Variants in WDR64 observed in about 807,000 individuals in gnomAD.
WDR64 encodes the protein WD repeat-containing protein 64.
In WDR64, 112 loss-of-function variants were observed where a neutral mutation model predicts 139.3. The ratio of observed to expected loss-of-function variants is 0.80; its 90% CI spans 0.69 to 0.94. WDR64 has a LOEUF of 0.94. Ranked by LOEUF, WDR64 falls within the 40% of genes least tolerant of loss-of-function variation. The pLI is 0.00. For missense variants in WDR64, 1,206 were observed against 1,293.1 expected (o/e 0.93, Z 1.03); for synonymous variants, 444 against 437.7 (o/e 1.01, Z -0.18).
rs959684552 is a variant in WDR64 at position 241,683,553 on chromosome 1, G to T, written c.691G>T (p.Asp231Tyr). Residue 231 changes from aspartate (D) to tyrosine (Y), a missense_variant, in exon 7 of 28, where the codon GAC becomes TAC. Transcript: ENST00000437684. ...LLCVCVVPLP[D>Y]HLCRDDILLG... is the part of the protein sequence containing the mutation. ...GTGTGTGTGTGTGGTGCCTTTGCCT[G>T]ACCATCTCTGCCGAGATGACATCCT... 1.3e-6 allele frequency: 2 copies of T among 1,551,614 alleles called. No individual in the cohort carries two copies. The highest frequency in any genetic ancestry group is 1.7e-6 in the Non-Finnish European group (2 of 1,147,008).
chr1:241,772,516 G>T (rs772084673), intron 19 of WDR64, among the ~76,000 whole-genome samples: 3 of 126,300 alleles, frequency 2.4e-5, no homozygotes, highest in African/African-American at 8.8e-5. Flanking sequence ...AGGCTGGAGT[G>T]TAGTAGTGCC....
rs1237281978 is a variant in WDR64 at position 241,790,332 on chromosome 1, CAG to C, written c.2892-256_2892-255del. On this transcript the variant is annotated intron_variant, in intron 24 of 27. Transcript: ENST00000437684. ...CACTACTACACTCCATACTGGGTGA[CAG>C]AGCGAGACCCTGTCTCAAAAAATAT... is the stretch of plus-strand genomic sequence containing the variant. 2.0e-5 allele frequency among the ~76,000 whole-genome samples: 3 copies of C among 152,198 alleles called. No homozygotes were observed. The East Asian group carries it at 5.8e-4, about 29-fold the overall frequency.
At chr1:241,686,359 G>T (rs1667003855) in intron 7 of WDR64, among the ~76,000 whole-genome samples, 1 of 152,168 alleles carries the variant, frequency 6.6e-6, no homozygotes, top group African/African-American at 2.4e-5. Flanking sequence ...AAGTAGCCAG[G>T]ATCCAGAGTT....
In WDR64 at chr1:241,659,759, A is replaced by AT. The variant is rs1338133668; in HGVS notation, c.146-764dup. 2.6e-5 allele frequency among the ~76,000 whole-genome samples: 4 copies of AT among 151,758 alleles called. No individual in the cohort carries two copies. In the East Asian group the frequency reaches 5.8e-4, roughly 22 times the overall value. ...TTGCCCACTTTTAATGAGGTTGTTC[A>AT]TTTTTTTCTTGTAAATTTGCTTAAG... On this transcript the variant is annotated intron_variant, in intron 1 of 27. Transcript: ENST00000437684.
chr1:241,663,915 AT>A (rs751626491), intron 2 of WDR64, among the ~76,000 whole-genome samples: 3 of 151,930 alleles, frequency 2.0e-5, no homozygotes, highest in South Asian at 2.1e-4. Flanking sequence ...AATCATAGCT[AT>A]TTTTTTTGTT....
At chr1:241,796,775 T>C (rs1267102640) in intron 27 of WDR64, among the ~76,000 whole-genome samples, 1 of 152,222 alleles carries the variant, frequency 6.6e-6, no homozygotes, top group African/African-American at 2.4e-5. Context: ...ATTACAGGCA[T>C]AAGCCACTGT....
In WDR64 at chr1:241,703,386, C is replaced by A. The variant is rs1667804312; in HGVS notation, c.975-8416C>A. Among the ~76,000 whole-genome samples, 1 of 151,890 alleles carries A rather than the reference C, an allele frequency of 6.6e-6. No individual in the cohort carries two copies. Among genetic ancestry groups the A allele is most frequent in the African/African-American group, 2.4e-5 (1 of 41,336 alleles). On this transcript the variant is annotated intron_variant, in intron 8 of 27. Transcript: ENST00000437684. The surrounding 1 kb of genome is among the most constrained non-coding windows in gnomAD (Gnocchi z 5.9). ...GCATCACGCTCATTAATTCATGGAACAACAGGAGAAAAGTCTGAGATGAAG... is the reference window on the plus strand; with the variant it reads ...GCATCACGCTCATTAATTCATGGAAAAACAGGAGAAAAGTCTGAGATGAAG...
intron 10 of WDR64, among the ~76,000 whole-genome samples, chr1:241,736,825 A>C (rs535050633): frequency 6.6e-6 from 1 of 152,376 alleles, no homozygotes; most frequent in African/African-American, 2.4e-5. Flanking sequence ...TGGCCATTCA[A>C]GAAACAAGAA....
At chr1:241,682,745 T>C (rs886666717) in intron 6 of WDR64, among the ~76,000 whole-genome samples, 12 of 152,242 alleles carry the variant, frequency 7.9e-5, no homozygotes, top group Admixed American at 7.2e-4. Context: ...CCAGATCAAA[T>C]GTTACTTTCT....
At chr1:241,799,627 A>T (rs1659467477) in intron 27 of WDR64, among the ~76,000 whole-genome samples, 1 of 152,202 alleles carries the variant, frequency 6.6e-6, no homozygotes, top group Non-Finnish European at 1.5e-5. Flanking sequence ...CACAGAGGAT[A>T]AGTAATTCCT....
At chr1:241,681,104 C>G (rs951999370) in intron 6 of WDR64, among the ~76,000 whole-genome samples, 1 of 152,024 alleles carries the variant, frequency 6.6e-6, no homozygotes, top group South Asian at 2.1e-4. Context: ...CTCTCTCTCT[C>G]TCTTTAAAAA....
At chr1:241,771,957 T>C (rs1274329716) in intron 19 of WDR64, among the ~76,000 whole-genome samples, 984 of 83,392 alleles carry the variant, frequency 0.012, 18 homozygotes, top group African/African-American at 0.038. Context: ...TATATATATA[T>C]ATATATATAT....
chr1:241,773,678 G>A (rs1222345228), intron 20 of WDR64, among the ~76,000 whole-genome samples: 1 of 152,176 alleles, frequency 6.6e-6, no homozygotes, highest in African/African-American at 2.4e-5. Flanking sequence ...ATGTTGGCCA[G>A]GCTGGTCTCA....
intron 27 of WDR64, among the ~76,000 whole-genome samples, chr1:241,797,437 T>C (rs545197653): frequency 2.6e-5 from 4 of 152,330 alleles, no homozygotes. Context: ...AGGAGGAAGA[T>C]ATAGCACATG....
At position 241,671,115 on chromosome 1, in the gene WDR64, C is replaced by T; in HGVS notation, c.318C>T (p.Ser106=). Residue 106 remains serine (S), a synonymous_variant, in exon 3 of 28, where the codon TCC becomes TCT. Transcript: ENST00000437684. Reference sequence around the variant, plus strand: ...CCTCTGAAGAAGATCCTATTGCTTCCCAGTTGGATGAAGAAAATTTGGTTT... The same window carrying T: ...CCTCTGAAGAAGATCCTATTGCTTCTCAGTTGGATGAAGAAAATTTGGTTT... ...YFSSEEDPIA[S]QLDEENLVFF... is the part of the protein sequence containing the mutation. 1 of 1,550,662 alleles carries T rather than the reference C, an allele frequency of 6.4e-7. No homozygotes were observed.
rs76539078 is a variant in WDR64 at position 241,802,535 on chromosome 1, C to T, written c.*1320C>T. ...TTTATTGGATGATATTTCTGCATTT[C>T]GTTGTATGTGAATTTTTTCAAAAAA... On this transcript the variant is annotated 3_prime_UTR_variant, in exon 28 of 28. Transcript: ENST00000437684. 5.7e-3 allele frequency among the ~76,000 whole-genome samples: 860 copies of T among 152,142 alleles called. 8 individuals are homozygous for T. Among genetic ancestry groups the T allele is most frequent in the Middle Eastern group, 0.01 (3 of 294 alleles).
At chr1:241,689,711 G>A (rs765230746) in intron 8 of WDR64, among the ~76,000 whole-genome samples, 7 of 152,076 alleles carry the variant, frequency 4.6e-5, no homozygotes, top group Non-Finnish European at 8.8e-5. Context: ...CTAAGGGCTC[G>A]GATAAAGCAG....
intron 8 of WDR64, among the ~76,000 whole-genome samples, chr1:241,710,795 C>A (rs1388527091): frequency 1.3e-5 from 2 of 152,150 alleles, no homozygotes; most frequent in Non-Finnish European, 2.9e-5. Context: ...CAGGGCCAGG[C>A]CAGCCAGGTA....
intron 25 of WDR64, among the ~76,000 whole-genome samples, chr1:241,794,091 G>T (rs1659286478): frequency 1.3e-5 from 2 of 151,670 alleles, no homozygotes; most frequent in Non-Finnish European, 2.9e-5. Flanking sequence ...TGAGGCAGGA[G>T]AATCCCTTGA....
Sources: gnomAD v4.1 joint callset for allele counts (sites outside exome capture counted in the v4.1 genomes callset) on GRCh38, gnomAD v4.1.1 for gene constraint, Gnocchi (gnomAD v3.1) non-coding constraint, MANE v1.5 for transcripts, NCBI Gene and HGNC (gene_info 2026-07-23, HGNC 2026-07-21) for gene names.